The following CNTFR variants were observed in gnomAD, a reference collection of about 807,000 sequenced individuals.
CNTFR encodes the protein ciliary neurotrophic factor receptor.
Under a neutral mutation model 40.4 loss-of-function variants are expected in CNTFR, and 12 were observed. That is an observed-to-expected ratio of 0.30 (90% CI 0.19 to 0.48). CNTFR has a LOEUF of 0.48. Among genes scored for constraint, CNTFR ranks in the 20% least tolerant of loss-of-function variants. The pLI is 0.99. For missense variants in CNTFR, 414 were observed against 506.8 expected (o/e 0.82, Z 1.76); for synonymous variants, 202 against 209.6 (o/e 0.96, Z 0.31).
At chr9:34,575,843 C>G (rs376894717) in intron 2 of CNTFR, among the ~76,000 whole-genome samples, 2 of 152,188 alleles carry the variant, frequency 1.3e-5, no homozygotes, top group African/African-American at 2.4e-5. Flanking sequence ...CTCTCTGCCC[C>G]CTAACGTGCA....
At chr9:34,572,172 CCCCTG>C (rs1378064929) in intron 2 of CNTFR, among the ~76,000 whole-genome samples, 3 of 151,840 alleles carry the variant, frequency 2.0e-5, no homozygotes, top group Non-Finnish European at 2.9e-5. Flanking sequence ...CCTGCCCCTG[CCCCTG>C]CCCTGCCCCT....
intron 7 of CNTFR, among the ~76,000 whole-genome samples, chr9:34,554,152 G>A (rs569191516): frequency 6.6e-6 from 1 of 152,240 alleles, no homozygotes; most frequent in East Asian, 1.9e-4. Flanking sequence ...AGATCGGAGG[G>A]TCCCAAAGAC....
chr9:34,566,738 G>A (rs566773214), intron 3 of CNTFR, among the ~76,000 whole-genome samples: 2 of 152,226 alleles, frequency 1.3e-5, no homozygotes, highest in South Asian at 2.1e-4. Context: ...ACGCTAACGT[G>A]GACCCAGTGT....
At chr9:34,588,286 G>T (rs1827624254) in intron 1 of CNTFR, among the ~76,000 whole-genome samples, 1 of 152,124 alleles carries the variant, frequency 6.6e-6, no homozygotes, top group Non-Finnish European at 1.5e-5. Context: ...ACATCCCTGG[G>T]AATCTGCAAT....
At chr9:34,580,248 G>A (rs1452146639) in intron 2 of CNTFR, 1 of 152,084 alleles carries the variant, frequency 6.6e-6, no homozygotes, top group Non-Finnish European at 1.5e-5. Flanking sequence ...CCATCTCCTA[G>A]CCCCATCCTA....
chr9:34,560,899 A>G (rs1826044463), intron 4 of CNTFR, among the ~76,000 whole-genome samples: 1 of 152,128 alleles, frequency 6.6e-6, no homozygotes, highest in African/African-American at 2.4e-5. Flanking sequence ...CAGCCCACCA[A>G]ACCGCATGTT....
intron 4 of CNTFR, among the ~76,000 whole-genome samples, chr9:34,563,757 C>T (rs1266960777): frequency 6.6e-6 from 1 of 152,294 alleles, no homozygotes; most frequent in Non-Finnish European, 1.5e-5. Flanking sequence ...ACCAATTCTT[C>T]GACGTCCAAC....
intron 1 of CNTFR, among the ~76,000 whole-genome samples, chr9:34,586,350 C>CAGAGA (rs765442804): frequency 3.9e-5 from 6 of 152,202 alleles, no homozygotes; most frequent in African/African-American, 1.4e-4. Flanking sequence ...CCAGCCAGGG[C>CAGAGA]AGAGAAGAGA....
chr9:34,554,175 G>T (rs1308574398), intron 7 of CNTFR, among the ~76,000 whole-genome samples: 1 of 152,072 alleles, frequency 6.6e-6, no homozygotes, highest in South Asian at 2.1e-4. Flanking sequence ...TCTTCTCCTG[G>T]AGCCAGGGTC....
intron 2 of CNTFR, among the ~76,000 whole-genome samples, chr9:34,574,722 G>A (rs1826867751): frequency 6.6e-6 from 1 of 152,240 alleles, no homozygotes; most frequent in South Asian, 2.1e-4. Context: ...ATGGGGTCCT[G>A]GAGGGGACAA....
At chr9:34,586,676 C>T (rs949374868) in intron 1 of CNTFR, among the ~76,000 whole-genome samples, 3 of 152,176 alleles carry the variant, frequency 2.0e-5, no homozygotes, top group Non-Finnish European at 4.4e-5. Context: ...TAAAGGTTCA[C>T]ATTACTCCTG....
intron 3 of CNTFR, among the ~76,000 whole-genome samples, chr9:34,568,460 C>T (rs959921823): frequency 6.6e-6 from 1 of 152,178 alleles, no homozygotes; most frequent in African/African-American, 2.4e-5. Flanking sequence ...ATTCTCAGTC[C>T]ACCTTCTCTG....
At position 34,557,102 on chromosome 9, in the gene CNTFR, G is replaced by T. The variant is rs556692320; in HGVS notation, c.604+424C>A. On this transcript the variant is annotated intron_variant, in intron 6 of 9. Coordinates refer to ENST00000378980, the MANE Select transcript of CNTFR (RefSeq NM_147164.3). This position sits in a 1 kb window ranked among gnomAD's most constrained non-coding sequence, Gnocchi z 4.2. ...CAGGTAGAGGGTCTGGCTGGGATGGGGGGGGTCAGGGGGAGGGCAGTATCT... is the reference window on the plus strand; with the variant it reads ...CAGGTAGAGGGTCTGGCTGGGATGGTGGGGGTCAGGGGGAGGGCAGTATCT... 3.4e-4 allele frequency among the ~76,000 whole-genome samples: 52 copies of T among 151,778 alleles called. No homozygotes were observed. In the South Asian group the frequency reaches 9.8e-3, roughly 29 times the overall value.
intron 2 of CNTFR, among the ~76,000 whole-genome samples, chr9:34,577,500 T>C (rs1827036887): frequency 6.6e-6 from 1 of 152,020 alleles, no homozygotes; most frequent in African/African-American, 2.4e-5. Context: ...GGGACTAAAG[T>C]TAGCTAGGAG....
intron 1 of CNTFR, among the ~76,000 whole-genome samples, chr9:34,587,843 G>A (rs973494817): frequency 3.3e-5 from 5 of 152,080 alleles, no homozygotes; most frequent in Non-Finnish European, 5.9e-5. Flanking sequence ...GGGTAAGACC[G>A]TGAATCTAAG....
At chr9:34,567,129 C>T (rs1025102446) in intron 3 of CNTFR, among the ~76,000 whole-genome samples, 1 of 152,152 alleles carries the variant, frequency 6.6e-6, no homozygotes, top group South Asian at 2.1e-4. Context: ...CCCGTGGGTG[C>T]CCCTACTGAT....
Position 34,552,002 on chromosome 9 carries a change from G to T in CNTFR, c.*69C>A. ...GCCCGTGTGCAAAATAGAAACCGGG[G>T]TCTGCAGGCTCAGCTCCGGCCTCCT... On this transcript the variant is annotated 3_prime_UTR_variant, in exon 10 of 10. Transcript: ENST00000378980. The surrounding 1 kb of genome is among the most constrained non-coding windows in gnomAD (Gnocchi z 5.1). The T allele has an allele frequency of 1.1e-6, 1 of 884,946 alleles. No homozygotes were observed. The highest frequency in any genetic ancestry group is 1.9e-6 in the Non-Finnish European group (1 of 535,878). 54.8% of individuals were successfully genotyped at this position (884,946 alleles called of 1,614,324 possible).
Position 34,556,431 on chromosome 9 carries a change from CAT to C in CNTFR, c.605-15_605-14del. The C allele has an allele frequency of 6.3e-6, 10 of 1,590,412 alleles. No homozygotes were observed. The highest frequency in any genetic ancestry group is 1.3e-5 in the African/African-American group (1 of 74,600). Reference sequence around the variant, plus strand: ...GGATCAGGCTTCACTGTTCAGGAGACATAGCTTCATTACTACACTAATCACTG... The same window carrying C: ...GGATCAGGCTTCACTGTTCAGGAGACAGCTTCATTACTACACTAATCACTG... On this transcript the variant is annotated splice_polypyrimidine_tract_variant and intron_variant, in intron 6 of 9. Coordinates refer to ENST00000378980, the MANE Select transcript of CNTFR (RefSeq NM_147164.3).
At position 34,589,683 on chromosome 9, in the gene CNTFR, A is replaced by AGCCGCCGCCTCCGCTGCC. The variant is rs1174070750; in HGVS notation, c.-258_-241dup. 4.5e-5 allele frequency: 7 copies of AGCCGCCGCCTCCGCTGCC among 156,826 alleles called. No individual in the cohort carries two copies. The highest frequency in any genetic ancestry group is 1.7e-4 in the African/African-American group (7 of 41,184). The allele number at this position is 156,826 out of a possible 1,614,324, so 9.7% of individuals were successfully genotyped here. On this transcript the variant is annotated 5_prime_UTR_variant, in exon 1 of 10. Transcript: ENST00000378980. This position sits in a 1 kb window ranked among gnomAD's most constrained non-coding sequence, Gnocchi z 4.4. The stretch of plus-strand genomic sequence containing the variant: ...CCGAGCCTCGCGCCGCGCCGGCTGG[A>AGCCGCCGCCTCCGCTGCC]GCCGCCGCCTCCGCTGCCGCCGCCG...
Sources: allele counts gnomAD v4.1 joint callset (sites outside exome capture counted in the v4.1 genomes callset), GRCh38; gene constraint gnomAD v4.1.1; non-coding constraint Gnocchi (gnomAD v3.1); transcripts MANE v1.5; gene names NCBI Gene and HGNC (gene_info 2026-07-23, HGNC 2026-07-21).